FSTL4: variants seen among roughly 807,000 people sequenced by gnomAD.
The protein encoded by FSTL4 is follistatin-related protein 4.
Under a neutral mutation model 78.2 loss-of-function variants are expected in FSTL4, and 28 were observed. The observed-to-expected ratio is 0.36, with a 90% CI of 0.27 to 0.49. The LOEUF is 0.49. Ranked by LOEUF, FSTL4 falls within the 20% of genes least tolerant of loss-of-function variation. The pLI, the probability that FSTL4 is intolerant of heterozygous loss-of-function variation, is 0.98. For synonymous variants in FSTL4, 422 were observed against 440.5 expected, an observed-to-expected ratio of 0.96 and a Z score of 0.53; for missense variants, 922 against 1,084.9, an observed-to-expected ratio of 0.85 and a Z score of 2.11.
chr5:133,778,235 T>C, the FSTL4 span, among the ~76,000 whole-genome samples: 1 of 152,192 alleles, frequency 6.6e-6, no homozygotes, highest in African/African-American at 2.4e-5. Context: ...GTTTAGATCA[T>C]GAACAAATGA....
chr5:133,498,394 T>C lies in FSTL4; in HGVS notation c.160+68792A>G, dbSNP rs569319161. On this transcript the variant is annotated intron_variant, in intron 3 of 15. Coordinates refer to ENST00000265342, the MANE Select transcript of FSTL4 (RefSeq NM_015082.2). ...ACTCTATACATCTATACATTATTGA[T>C]ACGTCTATACATTTAAAGTTATCCT... Among the ~76,000 whole-genome samples, 87 of 152,344 alleles carry C rather than the reference T, an allele frequency of 5.7e-4. 1 individual carries two copies. The South Asian group carries it at 0.017, about 30-fold the overall frequency.
the FSTL4 span, among the ~76,000 whole-genome samples, chr5:133,664,965 T>C: frequency 6.6e-6 from 1 of 152,260 alleles, no homozygotes; most frequent in African/African-American, 2.4e-5. Context: ...TAGAACCATA[T>C]CAGCATTTCC....
intron 7 of FSTL4, among the ~76,000 whole-genome samples, chr5:133,239,330 G>A (rs1751761886): frequency 6.6e-6 from 1 of 151,632 alleles, no homozygotes; most frequent in Non-Finnish European, 1.5e-5. Context: ...AACCACCCAA[G>A]GGCTGAGGAG....
At chr5:133,802,975 A>G in the FSTL4 span, among the ~76,000 whole-genome samples, 1 of 152,220 alleles carries the variant, frequency 6.6e-6, no homozygotes, top group Non-Finnish European at 1.5e-5. Flanking sequence ...AGCTGGGGCC[A>G]CGTAAGCCTG....
chr5:133,382,052 A>G (rs1170323759), intron 4 of FSTL4, among the ~76,000 whole-genome samples: 1 of 152,142 alleles, frequency 6.6e-6, no homozygotes, highest in Admixed American at 6.5e-5. Flanking sequence ...CCCATCCTGC[A>G]CTTCCTCCCG....
chr5:133,242,342 C>T (rs1002691837), intron 7 of FSTL4, among the ~76,000 whole-genome samples: 2 of 152,142 alleles, frequency 1.3e-5, no homozygotes, highest in Non-Finnish European at 2.9e-5. Context: ...AGGCACCAAT[C>T]GGCCTCCTTC....
chr5:133,723,029 G>A, the FSTL4 span, among the ~76,000 whole-genome samples: 1 of 152,194 alleles, frequency 6.6e-6, no homozygotes, highest in Non-Finnish European at 1.5e-5. Flanking sequence ...TTGGTGTTGG[G>A]TCTTACAGGG....
the FSTL4 span, among the ~76,000 whole-genome samples, chr5:133,651,264 G>A: frequency 1.3e-5 from 2 of 152,044 alleles, no homozygotes; most frequent in Non-Finnish European, 2.9e-5. Context: ...TAGAGTTTCA[G>A]TACGATGTAG....
the FSTL4 span, among the ~76,000 whole-genome samples, chr5:133,771,867 C>A: frequency 6.6e-6 from 1 of 152,136 alleles, no homozygotes; most frequent in Non-Finnish European, 1.5e-5. Flanking sequence ...GTTTTGTAAT[C>A]AATTTGTAAC....
the FSTL4 span, among the ~76,000 whole-genome samples, chr5:133,751,181 C>A: frequency 6.6e-6 from 1 of 152,140 alleles, no homozygotes; most frequent in South Asian, 2.1e-4. Flanking sequence ...TCCCAAAGGC[C>A]CCCAAGCAAG....
intron 6 of FSTL4, among the ~76,000 whole-genome samples, chr5:133,271,184 T>C (rs1752757574): frequency 6.6e-6 from 1 of 152,172 alleles, no homozygotes; most frequent in Admixed American, 6.5e-5. Context: ...TTGGGGAAGA[T>C]GAATCTAGTG....
At chr5:133,299,305 T>A (rs1341911263) in intron 6 of FSTL4, among the ~76,000 whole-genome samples, 4 of 152,144 alleles carry the variant, frequency 2.6e-5, no homozygotes, top group Non-Finnish European at 5.9e-5. Context: ...CCCCAGTCTC[T>A]CTCCTTATGT....
chr5:133,736,639 C>T, the FSTL4 span, among the ~76,000 whole-genome samples: 17 of 152,056 alleles, frequency 1.1e-4, no homozygotes, highest in Non-Finnish European at 2.1e-4. Flanking sequence ...GTCTGTGAAC[C>T]AGGGGTGCAC....
At chr5:133,711,412 G>T in the FSTL4 span, among the ~76,000 whole-genome samples, 996 of 152,308 alleles carry the variant, frequency 6.5e-3, 8 homozygotes, top group Non-Finnish European at 0.011. Flanking sequence ...GGGAAGGAGA[G>T]CCAGGAGCTC....
At chr5:133,712,366 T>C in the FSTL4 span, among the ~76,000 whole-genome samples, 1 of 152,144 alleles carries the variant, frequency 6.6e-6, no homozygotes, top group Non-Finnish European at 1.5e-5. Context: ...GGCCCTCCTG[T>C]CTCCATGGTG....
the FSTL4 span, among the ~76,000 whole-genome samples, chr5:133,648,740 A>G: frequency 1.3e-5 from 2 of 152,170 alleles, no homozygotes; most frequent in African/African-American, 2.4e-5. Flanking sequence ...TAGGTTCCCA[A>G]CAAAATTGAA....
At chr5:133,520,537 G>A (rs1052067409) in intron 3 of FSTL4, among the ~76,000 whole-genome samples, 8 of 152,170 alleles carry the variant, frequency 5.3e-5, no homozygotes, top group Non-Finnish European at 1.2e-4. Context: ...AGAAAAAATG[G>A]TGCATTCTTC....
At chr5:133,212,459 G>A (rs1000175107) in intron 13 of FSTL4, among the ~76,000 whole-genome samples, 4 of 152,240 alleles carry the variant, frequency 2.6e-5, no homozygotes, top group Non-Finnish European at 4.4e-5. Flanking sequence ...GGCAGGCTGA[G>A]CCCTACAGAA....
chr5:133,235,499 CAA>C (rs71581361), intron 7 of FSTL4, among the ~76,000 whole-genome samples: 2,038 of 97,500 alleles, frequency 0.021, 24 homozygotes, highest in African/African-American at 0.041. Context: ...ACCCCACCTC[CAA>C]AAAAAAAAAA....
Sources: gnomAD v4.1 joint callset for allele counts (sites outside exome capture counted in the v4.1 genomes callset) on GRCh38, gnomAD v4.1.1 for gene constraint, MANE v1.5 for transcripts, NCBI Gene and HGNC (gene_info 2026-07-23, HGNC 2026-07-21) for gene names.